The following RERE variants were observed in gnomAD, a reference collection of about 807,000 sequenced individuals.
RERE encodes the protein arginine-glutamic acid dipeptide repeats protein.
RERE carries 40 observed loss-of-function variants against 146.1 expected under a neutral mutation model. The observed-to-expected ratio is 0.27, with a 90% CI of 0.21 to 0.36. The LOEUF (loss-of-function observed/expected upper bound fraction) is 0.36, where lower values mean the gene tolerates loss of function less well. RERE is among the 10% of genes least tolerant of loss of function. RERE has a pLI of 1.00. For synonymous variants in RERE, 1,003 were observed against 866.0 expected (o/e 1.16, Z -2.78); for missense variants, 1,933 against 2,138.7 (o/e 0.90, Z 1.90).
intron 1 of RERE, among the ~76,000 whole-genome samples, chr1:8,719,716 CA>C (rs935267005): frequency 6.6e-6 from 1 of 152,154 alleles, no homozygotes; most frequent in African/African-American, 2.4e-5. Context: ...CCTACCACAA[CA>C]GTTAATGGGT....
At chr1:8,735,657 G>A (rs949989949) in intron 1 of RERE, among the ~76,000 whole-genome samples, 2 of 152,046 alleles carry the variant, frequency 1.3e-5, no homozygotes, top group Non-Finnish European at 2.9e-5. Flanking sequence ...GGCCCGGTGG[G>A]AGGTGATTGG....
intron 7 of RERE, among the ~76,000 whole-genome samples, chr1:8,516,874 T>C (rs1199624317): frequency 5.3e-5 from 8 of 152,176 alleles, no homozygotes; most frequent in Non-Finnish European, 7.3e-5. Context: ...GGCCAATGTA[T>C]ATAATACTCT....
intron 1 of RERE, among the ~76,000 whole-genome samples, chr1:8,721,136 C>CTGGT (rs1639856285): frequency 6.6e-6 from 1 of 152,126 alleles, no homozygotes; most frequent in African/African-American, 2.4e-5. Context: ...CTGCCCTAGG[C>CTGGT]TGGTAAAACT....
intron 1 of RERE, among the ~76,000 whole-genome samples, chr1:8,713,240 T>C (rs1412591472): frequency 1.3e-5 from 2 of 152,190 alleles, no homozygotes; most frequent in African/African-American, 4.8e-5. Flanking sequence ...GGTTAAGAAT[T>C]GGTGCTTGCC....
At chr1:8,577,434 G>A (rs1403870266) in intron 4 of RERE, among the ~76,000 whole-genome samples, 4 of 152,050 alleles carry the variant, frequency 2.6e-5, no homozygotes, top group African/African-American at 9.7e-5. Flanking sequence ...ACTGTTAAGA[G>A]AATAAAACGG....
At chr1:8,582,428 T>TG (rs952208615) in intron 4 of RERE, among the ~76,000 whole-genome samples, 23 of 149,206 alleles carry the variant, frequency 1.5e-4, no homozygotes, top group East Asian at 8.2e-4. Context: ...TTTTTTTTTT[T>TG]GGGGGGTAGA....
chr1:8,566,987 C>T (rs1415805577), intron 4 of RERE, among the ~76,000 whole-genome samples: 1 of 152,124 alleles, frequency 6.6e-6, no homozygotes, highest in Non-Finnish European at 1.5e-5. Context: ...AATGGGGTTT[C>T]ATCGTGTTAG....
At chr1:8,783,173 A>T (rs1415074824) in intron 1 of RERE, among the ~76,000 whole-genome samples, 1 of 152,124 alleles carries the variant, frequency 6.6e-6, no homozygotes, top group East Asian at 1.9e-4. Context: ...ATTTCTACAG[A>T]AAGTTTTTAA....
At chr1:8,453,771 A>G (rs992293467) in intron 11 of RERE, among the ~76,000 whole-genome samples, 1 of 152,150 alleles carries the variant, frequency 6.6e-6, no homozygotes, top group Non-Finnish European at 1.5e-5. Flanking sequence ...ACACCATTGC[A>G]CTGGTCCAGC....
chr1:8,595,849 A>G lies in RERE; in HGVS notation c.522+18712T>C, dbSNP rs933247454. 2.6e-5 allele frequency among the ~76,000 whole-genome samples: 4 copies of G among 152,208 alleles called. No homozygotes were observed. The East Asian group carries it at 7.7e-4, about 29-fold the overall frequency. ...AATAATATAGGAAAGAAGAAATGCA[A>G]TTCCCACTAACTCTGCAAATGACCC... On this transcript the variant is annotated intron_variant, in intron 4 of 22. Coordinates refer to ENST00000400908, the MANE Select transcript of RERE (RefSeq NM_001042681.2).
chr1:8,443,209 TC>T (rs1447070154), intron 11 of RERE, among the ~76,000 whole-genome samples: 1 of 152,144 alleles, frequency 6.6e-6, no homozygotes, highest in Non-Finnish European at 1.5e-5. Flanking sequence ...ACGCCTGTAA[TC>T]CCAGCACTTT....
At chr1:8,740,775 T>C (rs1048332777) in intron 1 of RERE, among the ~76,000 whole-genome samples, 1 of 152,224 alleles carries the variant, frequency 6.6e-6, no homozygotes, top group Non-Finnish European at 1.5e-5. Flanking sequence ...GTTGGACCAA[T>C]GGAAGGTCTC....
intron 1 of RERE, among the ~76,000 whole-genome samples, chr1:8,769,505 G>T (rs1288311620): frequency 6.6e-6 from 1 of 152,064 alleles, no homozygotes; most frequent in African/African-American, 2.4e-5. Context: ...TTGGAGACAG[G>T]GTCTCAATCG....
chr1:8,545,964 C>T (rs1570419086), intron 6 of RERE, among the ~76,000 whole-genome samples: 1 of 138,976 alleles, frequency 7.2e-6, no homozygotes, highest in African/African-American at 2.7e-5. Context: ...ATTACAGGTG[C>T]AAGCTACCAT....
intron 1 of RERE, among the ~76,000 whole-genome samples, chr1:8,683,372 G>C (rs1318399118): frequency 6.6e-6 from 1 of 151,972 alleles, no homozygotes; most frequent in East Asian, 1.9e-4. Flanking sequence ...CCACTTAGTA[G>C]AATCTAATCA....
intron 2 of RERE, among the ~76,000 whole-genome samples, chr1:8,654,792 C>T (rs759511590): frequency 5.9e-5 from 9 of 151,914 alleles, no homozygotes; most frequent in Admixed American, 1.3e-4. Context: ...TGCCACCAGG[C>T]CCAGCTAATT....
intron 11 of RERE, among the ~76,000 whole-genome samples, chr1:8,458,603 A>T (rs959392903): frequency 6.6e-6 from 1 of 152,350 alleles, no homozygotes; most frequent in Admixed American, 6.5e-5. Flanking sequence ...ATACACACAC[A>T]CGGCCCTAAA....
At chr1:8,437,142 A>C (rs1344212267) in intron 11 of RERE, among the ~76,000 whole-genome samples, 1 of 152,198 alleles carries the variant, frequency 6.6e-6, no homozygotes, top group Non-Finnish European at 1.5e-5. Context: ...AGTTCTTAAG[A>C]TCTGCCCCAC....
chr1:8,381,264 T>C (rs1199079014), intron 12 of RERE, among the ~76,000 whole-genome samples: 3 of 152,180 alleles, frequency 2.0e-5, no homozygotes, highest in Non-Finnish European at 4.4e-5. Context: ...TTCCTCCGAC[T>C]GGACTCTAAA....
Sources: allele counts gnomAD v4.1 joint callset (sites outside exome capture counted in the v4.1 genomes callset), GRCh38; gene constraint gnomAD v4.1.1; transcripts MANE v1.5; gene names NCBI Gene and HGNC (gene_info 2026-07-23, HGNC 2026-07-21).